Variants in SNX29 observed in about 807,000 individuals in gnomAD.
SNX29 encodes the protein sorting nexin 29.
A neutral mutation model predicts 102.1 loss-of-function variants in SNX29; 78 were observed. The ratio of observed to expected loss-of-function variants is 0.76; its 90% CI spans 0.64 to 0.92. The LOEUF (loss-of-function observed/expected upper bound fraction) is 0.92. SNX29 is among the 40% of genes least tolerant of loss of function. The probability of loss-of-function intolerance (pLI) is 0.00; values close to 1 mark genes in which losing one functional copy is unlikely to be tolerated. For missense variants in SNX29, 1,280 were observed against 1,061.7 expected (o/e 1.21, Z -2.86); for synonymous variants, 580 against 414.5 (o/e 1.40, Z -4.85).
intron 15 of SNX29, among the ~76,000 whole-genome samples, chr16:12,283,028 G>T (rs1337528104): frequency 6.6e-6 from 1 of 152,184 alleles, no homozygotes; most frequent in Non-Finnish European, 1.5e-5. Context: ...GAGCACATGG[G>T]TTCTGGAGAG....
chr16:12,466,417 C>G (rs2151775170), intron 18 of SNX29, among the ~76,000 whole-genome samples: 1 of 152,302 alleles, frequency 6.6e-6, no homozygotes, highest in East Asian at 1.9e-4. Context: ...TAACATCAGG[C>G]TAGAACTTTT....
At position 12,215,560 on chromosome 16, in the gene SNX29, G is replaced by C. The variant is rs534321499; in HGVS notation, c.1678+15877G>C. On this transcript the variant is annotated intron_variant, in intron 14 of 20. Transcript: ENST00000566228. Reference sequence around the variant, plus strand: ...AGGCACAGGAACCTGGGCTCCAGAGGGGGGTGCCTGGTCTTTTTAGTTCAA... The same window carrying C: ...AGGCACAGGAACCTGGGCTCCAGAGCGGGGTGCCTGGTCTTTTTAGTTCAA... 2.6e-5 allele frequency among the ~76,000 whole-genome samples: 4 copies of C among 152,236 alleles called. No individual in the cohort carries two copies. The South Asian group carries it at 8.3e-4, about 32-fold the overall frequency.
chr16:12,095,457 C>A (rs958247564), intron 11 of SNX29: 9 of 152,128 alleles, frequency 5.9e-5, no homozygotes, highest in African/African-American at 1.9e-4. Flanking sequence ...GTACCCCTTT[C>A]AGTGGTGAGG....
At chr16:12,560,690 A>G in intron 20 of SNX29, 1 of 159,410 alleles carries the variant, frequency 6.3e-6, no homozygotes, top group South Asian at 2.1e-4. Flanking sequence ...ATTTATATCT[A>G]GTCATCGACT....
At chr16:12,056,592 C>A (rs1428979015) in intron 8 of SNX29, among the ~76,000 whole-genome samples, 1 of 152,206 alleles carries the variant, frequency 6.6e-6, no homozygotes, top group Non-Finnish European at 1.5e-5. Context: ...GCCACAGTGT[C>A]TGGCAGAGTC....
intron 14 of SNX29, among the ~76,000 whole-genome samples, chr16:12,253,111 C>G (rs2078469746): frequency 6.6e-6 from 1 of 152,124 alleles, no homozygotes; most frequent in Non-Finnish European, 1.5e-5. Context: ...CGAGCTGTTC[C>G]CTAACCCTCC....
chr16:12,526,436 G>A, intron 20 of SNX29: 1 of 410,172 alleles, frequency 2.4e-6, no homozygotes, highest in South Asian at 2.0e-5. Flanking sequence ...GGGTTTTTGT[G>A]AGAAGACATT....
At chr16:12,051,002 T>G (rs1348942334) in intron 7 of SNX29, among the ~76,000 whole-genome samples, 1 of 152,064 alleles carries the variant, frequency 6.6e-6, no homozygotes, top group Non-Finnish European at 1.5e-5. Context: ...ATTATAGGCG[T>G]GAGCCACCGC....
intron 13 of SNX29, among the ~76,000 whole-genome samples, chr16:12,188,175 C>T (rs1020624105): frequency 2.6e-5 from 4 of 152,158 alleles, no homozygotes; most frequent in Admixed American, 6.5e-5. Context: ...GAATTACTAA[C>T]CGCTAACATT....
At chr16:12,150,622 A>G (rs2055258096) in intron 13 of SNX29, among the ~76,000 whole-genome samples, 1 of 152,190 alleles carries the variant, frequency 6.6e-6, no homozygotes, top group Non-Finnish European at 1.5e-5. Flanking sequence ...ACAGCGTCTA[A>G]TGAGCTAATT....
chr16:12,368,156 A>G (rs970975964), intron 16 of SNX29, among the ~76,000 whole-genome samples: 4 of 152,114 alleles, frequency 2.6e-5, no homozygotes, highest in African/African-American at 9.7e-5. Context: ...GCTCATCACC[A>G]TGGGTGGTCA....
chr16:12,212,849 C>T (rs113795952), intron 14 of SNX29, among the ~76,000 whole-genome samples: 4,547 of 152,294 alleles, frequency 0.03, 218 homozygotes, highest in African/African-American at 0.1. Flanking sequence ...CGCTGTGGCT[C>T]ATGCCGGTAA....
chr16:12,498,401 T>A (rs1174833953), intron 19 of SNX29, among the ~76,000 whole-genome samples: 1 of 150,124 alleles, frequency 6.7e-6, no homozygotes, highest in Non-Finnish European at 1.5e-5. Flanking sequence ...GTTTGGCATT[T>A]AAAAAAAAAA....
At chr16:12,333,218 G>C (rs1000060197) in intron 15 of SNX29, among the ~76,000 whole-genome samples, 2 of 149,078 alleles carry the variant, frequency 1.3e-5, no homozygotes, top group East Asian at 2.0e-4. Context: ...TGATTGTCCT[G>C]CCTCAGCCTC....
intron 18 of SNX29, among the ~76,000 whole-genome samples, chr16:12,474,036 G>A (rs1463713996): frequency 6.6e-6 from 1 of 152,058 alleles, no homozygotes; most frequent in Non-Finnish European, 1.5e-5. Flanking sequence ...TCTTGCTTGA[G>A]ATCCGAGAAC....
intron 20 of SNX29, among the ~76,000 whole-genome samples, chr16:12,536,100 A>T (rs543741275): frequency 3.3e-5 from 5 of 152,174 alleles, no homozygotes; most frequent in African/African-American, 1.2e-4. Context: ...TGCCTGGACC[A>T]GAGAGAAGGG....
intron 18 of SNX29, among the ~76,000 whole-genome samples, chr16:12,412,941 G>A (rs1567538045): frequency 6.6e-6 from 1 of 152,192 alleles, no homozygotes; most frequent in Non-Finnish European, 1.5e-5. Flanking sequence ...GGGCTACCTG[G>A]CTCTCTCTCC....
chr16:12,351,781 T>A (rs1188378176), intron 15 of SNX29, among the ~76,000 whole-genome samples: 1 of 152,128 alleles, frequency 6.6e-6, no homozygotes, highest in Non-Finnish European at 1.5e-5. Context: ...GTCACTTTCT[T>A]GGTGGTGCTT....
chr16:11,978,319 G>A (rs2055345899), intron 1 of SNX29, among the ~76,000 whole-genome samples: 1 of 152,206 alleles, frequency 6.6e-6, no homozygotes, highest in South Asian at 2.1e-4. Flanking sequence ...GTTGGTGTAA[G>A]TGCAGGCCCT....
Sources: gnomAD v4.1 joint callset for allele counts (sites outside exome capture counted in the v4.1 genomes callset) on GRCh38, gnomAD v4.1.1 for gene constraint, MANE v1.5 for transcripts, NCBI Gene and HGNC (gene_info 2026-07-23, HGNC 2026-07-21) for gene names.